The following PCNX3 variants were observed in gnomAD, a reference collection of about 807,000 sequenced individuals.
PCNX3 encodes the protein pecanex-like protein 3.
Under a neutral mutation model 207.2 loss-of-function variants are expected in PCNX3, and 58 were observed. The ratio of observed to expected loss-of-function variants is 0.28; its 90% CI spans 0.23 to 0.35. The LOEUF is 0.35. PCNX3 is among the 10% of genes least tolerant of loss of function. The probability of loss-of-function intolerance (pLI) is 1.00; values close to 1 mark genes in which losing one functional copy is unlikely to be tolerated. For missense variants in PCNX3, 2,410 were observed against 2,774.4 expected, an observed-to-expected ratio of 0.87 and a Z score of 2.95; for synonymous variants, 1,337 against 1,183.5, an observed-to-expected ratio of 1.13 and a Z score of -2.66.
chr11:65,620,552 G>A, intron 9 of PCNX3, 123 bp downstream of exon 9: 1 of 1,096,708 alleles, frequency 9.1e-7, no homozygotes, highest in Admixed American at 2.4e-5. Flanking sequence ...CAGATCTGCA[G>A]GGAGAGGATG....
chr11:65,625,789 G>T lies in PCNX3; in HGVS notation c.3228+45G>T. ...CTGCTGCCTCTCGCTGTCTTGGCGG[G>T]AGCCTGCTCAATCTGAGTGCCGTGG... On this transcript the variant is annotated intron_variant, in intron 19 of 34. Coordinates refer to ENST00000355703, the MANE Select transcript of PCNX3 (RefSeq NM_032223.4). The surrounding 1 kb of genome is among the most constrained non-coding windows in gnomAD (Gnocchi z 5.6). The T allele has an allele frequency of 1.3e-6, 2 of 1,598,750 alleles. No individual in the cohort carries two copies. The highest frequency in any genetic ancestry group is 2.2e-5 in the South Asian group (2 of 90,082).
In PCNX3 at chr11:65,625,712, A is replaced by C. The variant is rs1855352264; in HGVS notation, c.3196A>C (p.Ile1066Leu). Residue 1066 changes from isoleucine to leucine, a missense_variant, in exon 19 of 35, where the codon ATC (isoleucine) becomes CTC (leucine). Coordinates refer to ENST00000355703, the MANE Select transcript of PCNX3 (RefSeq NM_032223.4). This position sits in a 1 kb window ranked among gnomAD's most constrained non-coding sequence, Gnocchi z 5.6. Reference sequence around the variant, plus strand: ...GGTGATCGCCGTGCTCACCTTCGCCATCAGCGCCAGCACCGTCTTTATTGC... The same window carrying C: ...GGTGATCGCCGTGCTCACCTTCGCCCTCAGCGCCAGCACCGTCTTTATTGC... ...CVVIAVLTFA[I>L]SASTVFIALK... 1.2e-6 allele frequency: 2 copies of C among 1,611,418 alleles called. No homozygotes were observed. The highest frequency in any genetic ancestry group is 1.3e-5 in the African/African-American group (1 of 74,864).
chr11:65,621,034 C>T, intron 10 of PCNX3, 68 bp downstream of exon 10: 2 of 1,473,962 alleles, frequency 1.4e-6, no homozygotes, highest in East Asian at 5.0e-5. Flanking sequence ...CTGAGTCCGG[C>T]CTGCATAGAG....
chr11:65,634,502 G>C (rs751779479), intron 28 of PCNX3, 36 bp from the exon 29 acceptor site: 2 of 1,554,554 alleles, frequency 1.3e-6, no homozygotes, highest in Non-Finnish European at 1.7e-6. Flanking sequence ...TCCCAGGTCT[G>C]AGCTGGGCTC....
At position 65,620,361 on chromosome 11, in the gene PCNX3, T is replaced by C. The variant is rs373832503; in HGVS notation, c.2031T>C (p.Phe677=). 5.0e-6 allele frequency: 8 copies of C among 1,613,390 alleles called. No individual in the cohort carries two copies. In the African/African-American group the frequency reaches 9.3e-5, roughly 19 times the overall value. ...DESGVRRSYT[F]GLAGGGYENP... is the part of the protein sequence containing the mutation. ...CAGGTGTGCGGCGTTCCTACACCTT[T>C]GGCCTGGCTGGAGGCGGCTACGAGA... The change falls in exon 9 of 35, where the codon TTT becomes TTC. Residue 677 remains phenylalanine, a synonymous_variant. Coordinates refer to ENST00000355703, the MANE Select transcript of PCNX3 (RefSeq NM_032223.4).
At chr11:65,631,850 C>T (rs1219846741) in intron 27 of PCNX3, among the ~76,000 whole-genome samples, 1 of 152,088 alleles carries the variant, frequency 6.6e-6, no homozygotes, top group Admixed American at 6.5e-5. Flanking sequence ...GGAGTAGTTT[C>T]ACGAGGCCCT....
Position 65,617,652 on chromosome 11 carries a change from A to G in PCNX3, c.523A>G (p.Ile175Val), listed in dbSNP as rs745669423. 6.3e-7 allele frequency: 1 copy of G among 1,598,838 alleles called. No individual in the cohort carries two copies. The highest frequency in any genetic ancestry group is 1.8e-5 in the Admixed American group (1 of 56,398). Reference sequence around the variant, plus strand: ...GCGGGAGCAGGGCAGCAACAATGTGATCGTGACTTCTGCCGACCGAGAGAT... The same window carrying G: ...GCGGGAGCAGGGCAGCAACAATGTGGTCGTGACTTCTGCCGACCGAGAGAT... ...LVREQGSNNV[I>V]VTSADREMLK... The change falls in exon 5 of 35, where the codon ATC (isoleucine) becomes GTC (valine). Residue 175 changes from isoleucine (I) to valine (V), a missense_variant. Physicochemically the swap from Ile to Val is conservative, Grantham distance 29 (BLOSUM62 3). Transcript: ENST00000355703.
chr11:65,620,479 C>G, intron 9 of PCNX3, 50 bp downstream of exon 9: 1 of 1,585,406 alleles, frequency 6.3e-7, no homozygotes, highest in Non-Finnish European at 8.6e-7. Context: ...TGGCCTGCAT[C>G]TCTGGGAAGT....
intron 29 of PCNX3, 68 bp from the exon 30 acceptor site, chr11:65,634,905 C>T (rs749948255): frequency 1.3e-6 from 2 of 1,537,984 alleles, no homozygotes; most frequent in Non-Finnish European, 1.8e-6. Context: ...CTGCTTGGAT[C>T]ACTCTGAAGC....
Position 65,617,338 on chromosome 11 carries a change from A to C in PCNX3, c.430A>C (p.Asn144His), listed in dbSNP as rs1382844451. ...CSSQHSVFGF[N>H]QVSELLPRME... ...CTCCCAGCACTCTGTGTTTGGCTTC[A>C]ACCAGGTCTCGGTGAGTGGGCCTGG... The change falls in exon 3 of 35, where the codon AAC becomes CAC. Residue 144 changes from asparagine to histidine, a missense_variant. This residue lies in a region of PCNX3 where 1,104 missense variants were observed against 970.3 expected (regional missense o/e 1.14). Transcript: ENST00000355703. 2 of 1,611,944 alleles carry C rather than the reference A, an allele frequency of 1.2e-6. No homozygotes were observed. The highest frequency in any genetic ancestry group is 1.3e-5 in the African/African-American group (1 of 74,464).
In PCNX3 at chr11:65,625,579, G is replaced by T; in HGVS notation, c.3135+69G>T. ...GTCCTGGGGTTCCTGGGAGGGGCAT[G>T]TCCAGCTTGGGCTGCTGGGCAGCTG... On this transcript the variant is annotated intron_variant, in intron 18 of 34. Transcript: ENST00000355703. The surrounding 1 kb of genome is among the most constrained non-coding windows in gnomAD (Gnocchi z 5.6). The T allele has an allele frequency of 1.3e-6, 2 of 1,584,490 alleles. No homozygotes were observed. Among genetic ancestry groups the T allele is most frequent in the African/African-American group, 1.3e-5 (1 of 74,552 alleles).
At position 65,634,711 on chromosome 11, in the gene PCNX3, G is replaced by T. The variant is rs1855755249; in HGVS notation, c.4805+70G>T. 3.5e-6 allele frequency: 5 copies of T among 1,419,774 alleles called. No homozygotes were observed. In the African/African-American group the frequency reaches 4.3e-5, roughly 12 times the overall value. 87.9% of individuals were successfully genotyped at this position (1,419,774 alleles called of 1,614,324 possible). A position where few individuals can be genotyped will look rare whatever the true frequency, so the allele number is the denominator to read the frequency against. On this transcript the variant is annotated intron_variant, in intron 29 of 34. Transcript: ENST00000355703. Reference sequence around the variant, plus strand: ...CACCTCTTCCACGAAGAGCACTGTGGTCTCTGGCCACAGTGGCCACAGAAA... The same window carrying T: ...CACCTCTTCCACGAAGAGCACTGTGTTCTCTGGCCACAGTGGCCACAGAAA...
At chr11:65,616,671 CAG>C (rs1854747593) in intron 1 of PCNX3, among the ~76,000 whole-genome samples, 151 bp from the exon 2 acceptor site, 1 of 152,216 alleles carries the variant, frequency 6.6e-6, no homozygotes, top group South Asian at 2.1e-4. Context: ...AAGCAGAATA[CAG>C]AGCCCTTTGT....
Position 65,618,650 on chromosome 11 carries a change from C to G in PCNX3, c.1288C>G (p.Leu430Val). 1.9e-6 allele frequency: 3 copies of G among 1,613,180 alleles called. No individual in the cohort carries two copies. The highest frequency in any genetic ancestry group is 2.5e-6 in the Non-Finnish European group (3 of 1,179,850). Residue 430 changes from leucine (L) to valine (V), a missense_variant, in exon 6 of 35, where the codon CTG (leucine) becomes GTG (valine). This residue lies in a region of PCNX3 where 1,104 missense variants were observed against 970.3 expected (regional missense o/e 1.14). Coordinates refer to ENST00000355703, the MANE Select transcript of PCNX3 (RefSeq NM_032223.4). ...EDEDTSEGSE[L>V]SPASSLRSQR... Reference sequence around the variant, plus strand: ...TGAAGACACTAGTGAGGGCAGTGAACTGAGCCCGGCCTCCAGTCTCCGATC... The same window carrying G: ...TGAAGACACTAGTGAGGGCAGTGAAGTGAGCCCGGCCTCCAGTCTCCGATC...
chr11:65,623,755 G>A (rs1590883027), intron 12 of PCNX3, 111 bp downstream of exon 12: 1 of 1,536,200 alleles, frequency 6.5e-7, no homozygotes, highest in Non-Finnish European at 8.8e-7. Flanking sequence ...ATTTGTCTAA[G>A]GTTCCCTAGA....
Position 65,616,816 on chromosome 11 carries a change from A to G in PCNX3, c.154-8A>G. On this transcript the variant is annotated splice_polypyrimidine_tract_variant and splice_region_variant and intron_variant, in intron 1 of 34. Transcript: ENST00000355703. ...GTGAAAAGGGACCTGGCTTACTTTC[A>G]TCTTCAGGTCCTGCCTCCCAGCTTG... is the stretch of plus-strand genomic sequence containing the variant. 6.2e-7 allele frequency: 1 copy of G among 1,606,530 alleles called. No homozygotes were observed. The highest frequency in any genetic ancestry group is 1.3e-5 in the African/African-American group (1 of 74,934).
In PCNX3 at chr11:65,625,061, G is replaced by A; in HGVS notation, c.2919+45G>A. On this transcript the variant is annotated intron_variant, in intron 16 of 34. Coordinates refer to ENST00000355703, the MANE Select transcript of PCNX3 (RefSeq NM_032223.4). This position sits in a 1 kb window ranked among gnomAD's most constrained non-coding sequence, Gnocchi z 5.6. ...TGGGGGCATGCTGCAGTGCGTAAGG[G>A]TGGTTGGGGCGGGGCTGTGAACTGG... is the stretch of plus-strand genomic sequence containing the variant. 6.3e-7 allele frequency: 1 copy of A among 1,588,664 alleles called. No homozygotes were observed. Among genetic ancestry groups the A allele is most frequent in the Non-Finnish European group, 8.6e-7 (1 of 1,163,630 alleles).
In PCNX3 at chr11:65,623,540, G is replaced by A; in HGVS notation, c.2407G>A (p.Val803Met). Residue 803 changes from valine (V) to methionine (M), a missense_variant, in exon 12 of 35, where the codon GTG becomes ATG. By Grantham distance (21) the Val-to-Met change is conservative. Around this residue, in one of 8 missense-constraint regions of PCNX3, gnomAD observed 177 missense variants for 257.5 expected, o/e 0.69. Coordinates refer to ENST00000355703, the MANE Select transcript of PCNX3 (RefSeq NM_032223.4). Reference sequence around the variant, plus strand: ...CTTCGGCGTGGGCCTGAGCAGCCTTGTGGCCTTCCTGGGCTACCTGCTGCT... The same window carrying A: ...CTTCGGCGTGGGCCTGAGCAGCCTTATGGCCTTCCTGGGCTACCTGCTGCT... ...NIFGVGLSSL[V>M]AFLGYLLLLK... The A allele has an allele frequency of 1.2e-6, 2 of 1,613,884 alleles. No individual in the cohort carries two copies. The highest frequency in any genetic ancestry group is 1.3e-5 in the African/African-American group (1 of 75,046).
In PCNX3 at chr11:65,623,920, C is replaced by G. The variant is rs750800856; in HGVS notation, c.2512-9C>G. On this transcript the variant is annotated splice_polypyrimidine_tract_variant and intron_variant, in intron 12 of 34. Transcript: ENST00000355703. Reference sequence around the variant, plus strand: ...GCTCTAGTTGCCAACGTAGCCCTGTCTCTTCCAGAGCGTGCAGCCTGATGC... The same window carrying G: ...GCTCTAGTTGCCAACGTAGCCCTGTGTCTTCCAGAGCGTGCAGCCTGATGC... 6.2e-7 allele frequency: 1 copy of G among 1,612,642 alleles called. No individual in the cohort carries two copies. Among genetic ancestry groups the G allele is most frequent in the African/African-American group, 1.3e-5 (1 of 74,938 alleles).
Sources: allele counts gnomAD v4.1 joint callset (sites outside exome capture counted in the v4.1 genomes callset), GRCh38; gene constraint gnomAD v4.1.1; regional missense constraint gnomAD v4.1.1; non-coding constraint Gnocchi (gnomAD v3.1); transcripts MANE v1.5; gene names NCBI Gene and HGNC (gene_info 2026-07-23, HGNC 2026-07-21).